The following LRP12 variants were observed in gnomAD, a reference collection of about 807,000 sequenced individuals.
LRP12 encodes LDL receptor related protein 12, also known as low-density lipoprotein receptor-related protein 12.
LRP12 carries 14 observed loss-of-function variants against 66.0 expected under a neutral mutation model. The observed-to-expected ratio is 0.21, with a 90% confidence interval of 0.14 to 0.33. The LOEUF (loss-of-function observed/expected upper bound fraction) is 0.33. Ranked by LOEUF, LRP12 falls within the 10% of genes least tolerant of loss-of-function variation. LRP12 has a pLI of 1.00. For missense variants in LRP12, 889 were observed against 1,053.4 expected (o/e 0.84, Z 2.16); for synonymous variants, 357 against 359.1 (o/e 0.99, Z 0.07).
At chr8:104,571,090 C>T (rs12674790) in intron 1 of LRP12, among the ~76,000 whole-genome samples, 62,839 of 152,034 alleles carry the variant, frequency 0.41, 13,832 homozygotes, top group African/African-American at 0.57. Flanking sequence ...TGCAGAGCAA[C>T]TGAAACACTC....
intron 1 of LRP12, among the ~76,000 whole-genome samples, chr8:104,587,899 T>C (rs547927402): frequency 2.8e-4 from 43 of 152,348 alleles, no homozygotes; most frequent in African/African-American, 1.0e-3. Flanking sequence ...GAAATACCTA[T>C]TCAGTGTGTT....
chr8:104,582,693 A>G (rs1309987430), intron 1 of LRP12, among the ~76,000 whole-genome samples: 1 of 152,132 alleles, frequency 6.6e-6, no homozygotes, highest in East Asian at 1.9e-4. Flanking sequence ...TTGTAATTTA[A>G]GTCCATCTCT....
chr8:104,566,940 T>C (rs1365722871), intron 1 of LRP12, among the ~76,000 whole-genome samples: 1 of 151,694 alleles, frequency 6.6e-6, no homozygotes, highest in Non-Finnish European at 1.5e-5. Flanking sequence ...CTTATGTATG[T>C]AAAGCAAAAT....
At position 104,588,985 on chromosome 8, in the gene LRP12, C is replaced by CG; in HGVS notation, c.-89_-88insC. 1 of 894,764 alleles carries CG rather than the reference C, an allele frequency of 1.1e-6. No individual in the cohort carries two copies. Among genetic ancestry groups the CG allele is most frequent in the Non-Finnish European group, 1.7e-6 (1 of 598,340 alleles). The allele number at this position is 894,764 out of a possible 1,614,324, so 55.4% of individuals were successfully genotyped here. A position where few individuals can be genotyped will look rare whatever the true frequency, so the allele number is the denominator to read the frequency against. On this transcript the variant is annotated 5_prime_UTR_variant, in exon 1 of 7. Transcript: ENST00000276654. ...GACGACGCCGACGCCGCCGCCGCCG[C>CG]CGCCGCCGCCGCCGAGCCACCGGCT... is the stretch of plus-strand genomic sequence containing the variant.
At chr8:104,523,516 C>T (rs1170737871) in intron 2 of LRP12, among the ~76,000 whole-genome samples, 1 of 152,156 alleles carries the variant, frequency 6.6e-6, no homozygotes, top group African/African-American at 2.4e-5. Context: ...TTTTGGTGAG[C>T]TCAATTTGCA....
chr8:104,588,934 G>C lies in LRP12; in HGVS notation c.-37C>G, dbSNP rs9694695. 6.7e-7 allele frequency: 1 copy of C among 1,491,736 alleles called. No homozygotes were observed. The highest frequency in any genetic ancestry group is 2.5e-5 in the East Asian group (1 of 40,478). 92.4% of individuals were successfully genotyped at this position (1,491,736 alleles called of 1,614,324 possible). A position where few individuals can be genotyped will look rare whatever the true frequency, so the allele number is the denominator to read the frequency against. On this transcript the variant is annotated 5_prime_UTR_variant, in exon 1 of 7. Transcript: ENST00000276654. ...ATGGAGAGAGAGAGGAGGAGACGGA[G>C]GAGGAGGGAGGAGAAGCTGGAGGTA...
chr8:104,546,945 T>A (rs1037844915), intron 1 of LRP12, among the ~76,000 whole-genome samples: 5 of 143,976 alleles, frequency 3.5e-5, no homozygotes, highest in Non-Finnish European at 7.5e-5. Flanking sequence ...ATATTTTGTA[T>A]ATAATATATA....
At chr8:104,532,026 C>T in intron 1 of LRP12, 63 bp from the exon 2 acceptor site, 1 of 1,034,528 alleles carries the variant, frequency 9.7e-7, no homozygotes, top group South Asian at 1.5e-5. Flanking sequence ...TTTTCAGATC[C>T]TCCCTTTAAA....
intron 3 of LRP12, chr8:104,505,055 C>T (rs953691417): frequency 2.0e-5 from 3 of 152,160 alleles, no homozygotes; most frequent in Admixed American, 6.5e-5. Flanking sequence ...TCTCATTCTT[C>T]CACCCAAGCT....
At chr8:104,509,300 G>A (rs968391401) in intron 2 of LRP12, among the ~76,000 whole-genome samples, 5 of 152,038 alleles carry the variant, frequency 3.3e-5, no homozygotes, top group African/African-American at 9.7e-5. Context: ...CCCACTTATC[G>A]GACATTTTGC....
At chr8:104,522,008 T>C (rs1344498849) in intron 2 of LRP12, among the ~76,000 whole-genome samples, 1 of 152,034 alleles carries the variant, frequency 6.6e-6, no homozygotes, top group Non-Finnish European at 1.5e-5. Context: ...ATAATTACAA[T>C]TTAAGCTTTA....
At chr8:104,587,362 A>C (rs1588514884) in intron 1 of LRP12, among the ~76,000 whole-genome samples, 2 of 152,132 alleles carry the variant, frequency 1.3e-5, no homozygotes, top group African/African-American at 4.8e-5. Context: ...TCTGGTGTAG[A>C]CCCAAACCCA....
intron 1 of LRP12, among the ~76,000 whole-genome samples, chr8:104,561,802 T>A (rs1475022768): frequency 1.3e-5 from 2 of 152,176 alleles, no homozygotes; most frequent in African/African-American, 4.8e-5. Flanking sequence ...TTGTGTCCTT[T>A]TGGCTGGAAC....
At chr8:104,567,666 A>G (rs968960802) in intron 1 of LRP12, among the ~76,000 whole-genome samples, 2 of 152,252 alleles carry the variant, frequency 1.3e-5, no homozygotes, top group Non-Finnish European at 2.9e-5. Context: ...AAGTATATTC[A>G]TATGCACCAA....
At chr8:104,576,049 A>C (rs766087663) in intron 1 of LRP12, among the ~76,000 whole-genome samples, 3 of 152,164 alleles carry the variant, frequency 2.0e-5, no homozygotes, top group Non-Finnish European at 2.9e-5. Context: ...GTTCTGAAAC[A>C]AGATAGTCAG....
chr8:104,497,281 C>T lies in LRP12; in HGVS notation c.1271G>A (p.Gly424Asp), dbSNP rs1425373136. The T allele has an allele frequency of 1.9e-6, 3 of 1,614,152 alleles. No individual in the cohort carries two copies. Among genetic ancestry groups the T allele is most frequent in the Non-Finnish European group, 2.5e-6 (3 of 1,180,012 alleles). Residue 424 changes from glycine (G) to aspartate (D), a missense_variant, in exon 5 of 7, where the codon GGT becomes GAT. Gly to Asp is a moderately conservative substitution (Grantham distance 94). Coordinates refer to ENST00000276654, the MANE Select transcript of LRP12 (RefSeq NM_013437.5). The surrounding 1 kb of genome is among the most constrained non-coding windows in gnomAD (Gnocchi z 4.3). ...GCGATCAGAACGAGGATAACAGACA[C>T]CATTTCGGGAACATGGAAATTCTTC... is the stretch of plus-strand genomic sequence containing the variant. Reference protein sequence around the residue: ...QKEEFPCSRNGVCYPRSDRCN... With the variant: ...QKEEFPCSRNDVCYPRSDRCN...
chr8:104,574,631 A>AT (rs796999832), intron 1 of LRP12, among the ~76,000 whole-genome samples: 3 of 152,348 alleles, frequency 2.0e-5, no homozygotes, highest in African/African-American at 7.2e-5. Flanking sequence ...GGCTTTCAGC[A>AT]TTTAAAATGT....
At chr8:104,529,951 A>G (rs1370199636) in intron 2 of LRP12, among the ~76,000 whole-genome samples, 2 of 152,190 alleles carry the variant, frequency 1.3e-5, no homozygotes, top group African/African-American at 4.8e-5. Context: ...CTAGTATGTC[A>G]AACAAAACAT....
intron 1 of LRP12, among the ~76,000 whole-genome samples, chr8:104,577,420 G>C (rs1812182408): frequency 6.6e-6 from 1 of 152,142 alleles, no homozygotes; most frequent in African/African-American, 2.4e-5. Context: ...TCAAGACTAA[G>C]AGACTCACTA....
Sources: gnomAD v4.1 joint callset for allele counts (sites outside exome capture counted in the v4.1 genomes callset) on GRCh38, gnomAD v4.1.1 for gene constraint, Gnocchi (gnomAD v3.1) non-coding constraint, MANE v1.5 for transcripts, NCBI Gene and HGNC (gene_info 2026-07-23, HGNC 2026-07-21) for gene names.